Variants in SYT16 observed in about 807,000 individuals in gnomAD.
SYT16 encodes synaptotagmin 16.
In SYT16, 42 loss-of-function variants were observed where a neutral mutation model predicts 61.4. The observed-to-expected ratio is 0.68, with a 90% CI of 0.53 to 0.89. The LOEUF is 0.89. SYT16 is among the 40% of genes least tolerant of loss of function. The pLI, the probability that SYT16 is intolerant of heterozygous loss-of-function variation, is 0.00. For missense variants in SYT16, 804 were observed against 807.3 expected (o/e 1.00, Z 0.05); for synonymous variants, 314 against 302.3 (o/e 1.04, Z -0.40).
intron 2 of SYT16, among the ~76,000 whole-genome samples, chr14:61,973,709 G>A (rs984293231): frequency 1.6e-4 from 24 of 152,190 alleles, no homozygotes; most frequent in African/African-American, 3.6e-4. Flanking sequence ...AGGAGTTGGC[G>A]CAAAGAGTTT....
chr14:61,888,439 T>C (rs1361842037), intron 1 of SYT16, among the ~76,000 whole-genome samples: 1 of 152,160 alleles, frequency 6.6e-6, no homozygotes, highest in African/African-American at 2.4e-5. Flanking sequence ...ATTTCAATAA[T>C]GTTGTGTCTC....
intron 1 of SYT16, among the ~76,000 whole-genome samples, chr14:61,869,197 A>G (rs56382906): frequency 0.24 from 35,880 of 151,922 alleles, 4,626 homozygotes; most frequent in South Asian, 0.4. Context: ...GATAGCATAC[A>G]TAGTTGAGTA....
At chr14:61,997,339 A>G (rs1423985774) in intron 3 of SYT16, among the ~76,000 whole-genome samples, 3 of 152,042 alleles carry the variant, frequency 2.0e-5, no homozygotes, top group African/African-American at 7.2e-5. Context: ...TAATGCACAT[A>G]TAAGTCACAC....
chr14:62,076,651 A>C (rs1052114125), intron 5 of SYT16, among the ~76,000 whole-genome samples: 5 of 152,172 alleles, frequency 3.3e-5, no homozygotes, highest in Non-Finnish European at 7.3e-5. Flanking sequence ...ACCCAAAGCC[A>C]TTAACTTTAT....
intron 1 of SYT16, among the ~76,000 whole-genome samples, chr14:61,817,580 A>G (rs1411149619): frequency 1.3e-5 from 2 of 152,206 alleles, no homozygotes; most frequent in Non-Finnish European, 1.5e-5. Context: ...GACATTCTGT[A>G]AGTCAGTGTC....
chr14:62,099,617 C>T (rs1051531358), intron 7 of SYT16, among the ~76,000 whole-genome samples: 4 of 152,076 alleles, frequency 2.6e-5, no homozygotes, highest in East Asian at 1.9e-4. Context: ...GAGGCCAGAC[C>T]TGTGGACTTG....
At chr14:62,055,139 A>G (rs1254168419) in intron 3 of SYT16, among the ~76,000 whole-genome samples, 2 of 152,072 alleles carry the variant, frequency 1.3e-5, no homozygotes, top group Non-Finnish European at 2.9e-5. Context: ...TTTTCTCTGC[A>G]TGTGCAGAAA....
At chr14:61,963,919 G>C (rs2051207419) in intron 1 of SYT16, among the ~76,000 whole-genome samples, 1 of 152,122 alleles carries the variant, frequency 6.6e-6, no homozygotes, top group African/African-American at 2.4e-5. Context: ...CTTTAGAAAT[G>C]GAACAACAAA....
At position 62,100,870 on chromosome 14, in the gene SYT16, G is replaced by T. The variant is rs2057403826; in HGVS notation, c.*163G>T. ...TTTGGGTTTCTCAATGGTCTGATTT[G>T]GATTTAAATATTGTAATTTTAAAAA... On this transcript the variant is annotated 3_prime_UTR_variant, in exon 8 of 8. Transcript: ENST00000683842. 1.5e-6 allele frequency: 1 copy of T among 662,248 alleles called. No individual in the cohort carries two copies. The highest frequency in any genetic ancestry group is 2.1e-5 in the South Asian group (1 of 48,574). 41.0% of individuals were successfully genotyped at this position (662,248 alleles called of 1,614,324 possible). A position where few individuals can be genotyped will look rare whatever the true frequency, so the allele number is the denominator to read the frequency against.
intron 3 of SYT16, among the ~76,000 whole-genome samples, chr14:62,054,665 G>A (rs2055467648): frequency 6.6e-6 from 1 of 151,992 alleles, no homozygotes; most frequent in Non-Finnish European, 1.5e-5. Context: ...CCTGGCTAGT[G>A]AGTCTATTCT....
intron 4 of SYT16, 61 bp downstream of exon 4, chr14:62,069,876 G>A (rs772672695): frequency 7.9e-5 from 121 of 1,533,696 alleles, no homozygotes; most frequent in East Asian, 1.1e-4. Context: ...GAGTGCATCC[G>A]AATTATTCAC....
chr14:62,103,013 A>G lies in SYT16; in HGVS notation c.*2306A>G, dbSNP rs1229827700. 2 of 152,192 alleles carry G rather than the reference A, an allele frequency of 1.3e-5. No individual in the cohort carries two copies. The highest frequency in any genetic ancestry group is 1.3e-4 in the Admixed American group (2 of 15,276). 9.4% of individuals were successfully genotyped at this position (152,192 alleles called of 1,614,324 possible). ...TTTATAATTTTACTATGTTGGTGCT[A>G]CTCACCAAATAGGATGCATGTACAT... On this transcript the variant is annotated 3_prime_UTR_variant, in exon 8 of 8. Transcript: ENST00000683842.
chr14:61,841,930 T>C, intron 1 of SYT16, among the ~76,000 whole-genome samples: 1 of 152,212 alleles, frequency 6.6e-6, no homozygotes. Context: ...GGTGGACATT[T>C]AGGTTGGTTC....
intron 1 of SYT16, among the ~76,000 whole-genome samples, chr14:61,886,911 T>TTTTTTTTTTTTTTTTG (rs2047930267): frequency 9.6e-6 from 1 of 104,568 alleles, no homozygotes; most frequent in Non-Finnish European, 2.1e-5. Context: ...TTTTTTTTTT[T>TTTTTTTTTTTTTTTTG]CCTTTTTATG....
Position 62,084,448 on chromosome 14 carries a change from C to G in SYT16, c.1624+63C>G, listed in dbSNP as rs935987470. On this transcript the variant is annotated intron_variant, in intron 7 of 7. Transcript: ENST00000683842. Reference sequence around the variant, plus strand: ...AGAGGCAAGTGGAAAGCCCTGTCTGCTTTCATCTTAGTTCTTTAATTTTTA... The same window carrying G: ...AGAGGCAAGTGGAAAGCCCTGTCTGGTTTCATCTTAGTTCTTTAATTTTTA... 7.9e-6 allele frequency: 12 copies of G among 1,517,690 alleles called. No homozygotes were observed. The African/African-American group carries it at 1.6e-4, about 20-fold the overall frequency. 94.0% of individuals were successfully genotyped at this position (1,517,690 alleles called of 1,614,324 possible). A position where few individuals can be genotyped will look rare whatever the true frequency, so the allele number is the denominator to read the frequency against.
At chr14:61,868,709 T>G (rs2047237058) in intron 1 of SYT16, among the ~76,000 whole-genome samples, 1 of 152,034 alleles carries the variant, frequency 6.6e-6, no homozygotes, top group South Asian at 2.1e-4. Context: ...ACTTGTTTTG[T>G]TGCCCAGATT....
intron 7 of SYT16, among the ~76,000 whole-genome samples, chr14:62,094,249 A>G (rs1420888092): frequency 6.6e-6 from 1 of 152,128 alleles, no homozygotes; most frequent in Non-Finnish European, 1.5e-5. Context: ...TTGTGGCTCA[A>G]AGCCTTTTAA....
chr14:61,993,951 A>G (rs2052661491), intron 2 of SYT16, among the ~76,000 whole-genome samples: 1 of 152,162 alleles, frequency 6.6e-6, no homozygotes, highest in African/African-American at 2.4e-5. Context: ...CCATCCAGGG[A>G]GCCTCCATTC....
intron 3 of SYT16, among the ~76,000 whole-genome samples, chr14:62,030,995 G>A (rs1015138645): frequency 2.6e-5 from 4 of 152,156 alleles, no homozygotes; most frequent in Non-Finnish European, 4.4e-5. Flanking sequence ...TCTATAAAAT[G>A]CAGGAAATAA....
Sources: gnomAD v4.1 joint callset for allele counts (sites outside exome capture counted in the v4.1 genomes callset) on GRCh38, gnomAD v4.1.1 for gene constraint, MANE v1.5 for transcripts, NCBI Gene and HGNC (gene_info 2026-07-23, HGNC 2026-07-21) for gene names.